Variants in MAT2A observed in about 807,000 individuals in gnomAD.
MAT2A encodes the protein S-adenosylmethionine synthase isoform type-2.
MAT2A carries 3 observed loss-of-function variants against 43.9 expected under a neutral mutation model. The observed-to-expected ratio is 0.07, with a 90% CI of 0.03 to 0.18. The LOEUF (loss-of-function observed/expected upper bound fraction) is 0.18, where lower values mean the gene tolerates loss of function less well. Ranked by LOEUF, MAT2A falls within the 10% of genes least tolerant of loss-of-function variation. The pLI, the probability that MAT2A is intolerant of heterozygous loss-of-function variation, is 1.00. For synonymous variants in MAT2A, 200 were observed against 168.4 expected, an observed-to-expected ratio of 1.19 and a Z score of -1.45; for missense variants, 204 against 489.0, an observed-to-expected ratio of 0.42 and a Z score of 5.50.
Position 85,539,170 on chromosome 2 carries a change from T to C in MAT2A, c.-118T>C. ...CGGGCCGCACCGCCCGCTGCTTCGT[T>C]CGCTCCGCGCCGCCCGCCTGCTACG... is the stretch of plus-strand genomic sequence containing the variant. On this transcript the variant is annotated 5_prime_UTR_variant, in exon 1 of 9. Transcript: ENST00000306434. 1.4e-6 allele frequency: 1 copy of C among 739,644 alleles called. No homozygotes were observed. The highest frequency in any genetic ancestry group is 2.2e-6 in the Non-Finnish European group (1 of 449,986). The allele number at this position is 739,644 out of a possible 1,614,324, so 45.8% of individuals were successfully genotyped here.
chr2:85,541,806 A>G (rs1043352423), intron 4 of MAT2A, 23 bp from the exon 5 acceptor site: 4 of 1,613,752 alleles, frequency 2.5e-6, no homozygotes, highest in Admixed American at 3.3e-5. Context: ...GCTTGATCAC[A>G]TTGGTGACTT....
At chr2:85,540,831 G>A (rs926725301) in intron 1 of MAT2A, among the ~76,000 whole-genome samples, 2 of 152,198 alleles carry the variant, frequency 1.3e-5, no homozygotes, top group South Asian at 2.1e-4. Flanking sequence ...TTGTGGAAGT[G>A]AATATGATAT....
chr2:85,542,251 G>C lies in MAT2A; in HGVS notation c.646G>C (p.Asp216His), dbSNP rs1487691093. 1.2e-6 allele frequency: 2 copies of C among 1,614,112 alleles called. No homozygotes were observed. The highest frequency in any genetic ancestry group is 1.3e-5 in the African/African-American group (1 of 75,026). The change falls in exon 6 of 9, where the codon GAT (aspartate) becomes CAT (histidine). Residue 216 changes from aspartate (D) to histidine (H), a missense_variant. Asp to His is a moderately conservative substitution (Grantham distance 81, BLOSUM62 -1). Around this residue, in one of 6 missense-constraint regions of MAT2A, gnomAD observed 103 missense variants for 226.4 expected, o/e 0.45. Transcript: ENST00000306434. ...SVQHDEEVCL[D>H]EMRDALKEKV... The stretch of plus-strand genomic sequence containing the variant: ...TCAGCATGATGAAGAGGTTTGTCTT[G>C]ATGAAATGAGGGATGCCCTAAAGGA...
At position 85,539,411 on chromosome 2, in the gene MAT2A, G is replaced by A. The variant is rs748618831; in HGVS notation, c.91+33G>A. On this transcript the variant is annotated intron_variant, in intron 1 of 8. Coordinates refer to ENST00000306434, the MANE Select transcript of MAT2A (RefSeq NM_005911.6). ...GACGGCCTGAAGCGAAGCGTGGGGC[G>A]GGGCAGAAGGCAGCGCCAAGGTCCG... is the stretch of plus-strand genomic sequence containing the variant. The A allele has an allele frequency of 5.8e-6, 9 of 1,548,886 alleles. No individual in the cohort carries two copies. In the South Asian group the frequency reaches 1.0e-4, roughly 18 times the overall value.
chr2:85,542,968 A>G lies in MAT2A; in HGVS notation c.1019A>G (p.Lys340Arg), dbSNP rs1691516597. 2 of 1,612,652 alleles carry G rather than the reference A, an allele frequency of 1.2e-6. No individual in the cohort carries two copies. The highest frequency in any genetic ancestry group is 1.7e-6 in the Non-Finnish European group (2 of 1,178,922). ...ISIFHYGTSQ[K>R]SERELLEIVK... ...ATTTTCCATTATGGTACCTCTCAGA[A>G]GAGTGAGAGAGAGCTATTAGAGATT... The change falls in exon 8 of 9, where the codon AAG becomes AGG. Residue 340 changes from lysine to arginine, a missense_variant. This residue lies in a region of MAT2A where 45 missense variants were observed against 106.8 expected (regional missense o/e 0.42). Transcript: ENST00000306434.
Position 85,544,085 on chromosome 2 carries a change from G to A in MAT2A, c.*313G>A, listed in dbSNP as rs562646394. On this transcript the variant is annotated 3_prime_UTR_variant, in exon 9 of 9. Transcript: ENST00000306434. Reference sequence around the variant, plus strand: ...GAACCTTTGTGCCCTATCACCCAACGCTCCAAAGTCATAATTGCATTGACT... The same window carrying A: ...GAACCTTTGTGCCCTATCACCCAACACTCCAAAGTCATAATTGCATTGACT... 14 of 194,806 alleles carry A rather than the reference G, an allele frequency of 7.2e-5. No individual in the cohort carries two copies. The highest frequency in any genetic ancestry group is 1.4e-4 in the Non-Finnish European group (13 of 94,822). The allele number at this position is 194,806 out of a possible 1,614,324, so 12.1% of individuals were successfully genotyped here. A position where few individuals can be genotyped will look rare whatever the true frequency, so the allele number is the denominator to read the frequency against.
In MAT2A at chr2:85,541,928, C is replaced by T; in HGVS notation, c.505C>T (p.Arg169Cys). 6.2e-7 allele frequency: 1 copy of T among 1,614,204 alleles called. No individual in the cohort carries two copies. Among genetic ancestry groups the T allele is most frequent in the Non-Finnish European group, 8.5e-7 (1 of 1,180,024 alleles). ...KLNAKLAELR[R>C]NGTLPWLRPD... The stretch of plus-strand genomic sequence containing the variant: ...AAATGCCAAACTGGCAGAACTACGC[C>T]GTAATGGCACTTTGCCTTGGTTACG... Residue 169 changes from arginine to cysteine, a missense_variant, in exon 5 of 9, where the codon CGT becomes TGT. Coordinates refer to ENST00000306434, the MANE Select transcript of MAT2A (RefSeq NM_005911.6).
chr2:85,541,034 T>A (rs1316095350), intron 1 of MAT2A, 49 bp from the exon 2 acceptor site: 1 of 1,331,696 alleles, frequency 7.5e-7, no homozygotes, highest in Admixed American at 1.8e-5. Context: ...CATACATACA[T>A]ACTTTGTTTA....
chr2:85,539,596 C>T (rs989337778), intron 1 of MAT2A: 8 of 435,140 alleles, frequency 1.8e-5, no homozygotes, highest in Admixed American at 4.6e-5. Flanking sequence ...CCCTTCCCCC[C>T]TCCCTTTTCA....
In MAT2A at chr2:85,542,389, T is replaced by G; in HGVS notation, c.768+16T>G. Reference sequence around the variant, plus strand: ...TGGGCCTCAGGTAATGTCATTTTGTTGCATTTTTCTGGATTTTTGATGGTT... The same window carrying G: ...TGGGCCTCAGGTAATGTCATTTTGTGGCATTTTTCTGGATTTTTGATGGTT... On this transcript the variant is annotated intron_variant, in intron 6 of 8. Coordinates refer to ENST00000306434, the MANE Select transcript of MAT2A (RefSeq NM_005911.6). 6.2e-7 allele frequency: 1 copy of G among 1,608,372 alleles called. No individual in the cohort carries two copies. The highest frequency in any genetic ancestry group is 2.2e-5 in the East Asian group (1 of 44,824).
At position 85,541,033 on chromosome 2, in the gene MAT2A, A is replaced by G. The variant is rs180812270; in HGVS notation, c.92-50A>G. The G allele has an allele frequency of 5.3e-6, 7 of 1,327,194 alleles. No homozygotes were observed. The East Asian group carries it at 9.2e-5, about 18-fold the overall frequency. The allele number at this position is 1,327,194 out of a possible 1,614,324, so 82.2% of individuals were successfully genotyped here. On this transcript the variant is annotated intron_variant, in intron 1 of 8. Coordinates refer to ENST00000306434, the MANE Select transcript of MAT2A (RefSeq NM_005911.6). ...GGAGGGAGCTTGCATACATACATAC[A>G]TACTTTGTTTAAAGTTAAAGAAACT...
chr2:85,539,452 C>G, intron 1 of MAT2A, 74 bp downstream of exon 1: 1 of 1,239,298 alleles, frequency 8.1e-7, no homozygotes, highest in East Asian at 3.0e-5. Flanking sequence ...CTGCGGCCGG[C>G]CGGTGGTGGG....
chr2:85,544,685 C>G lies in MAT2A; in HGVS notation c.*913C>G, dbSNP rs1248174300. 1.3e-5 allele frequency: 2 copies of G among 152,374 alleles called. No individual in the cohort carries two copies. The highest frequency in any genetic ancestry group is 1.3e-4 in the Admixed American group (2 of 15,252). The allele number at this position is 152,374 out of a possible 1,614,324, so 9.4% of individuals were successfully genotyped here. ...ACTTTTTTTTTTCTTTATAAGAAAG[C>G]CTGAGTACTCCACACTGCACAATAA... On this transcript the variant is annotated 3_prime_UTR_variant, in exon 9 of 9. Transcript: ENST00000306434.
At chr2:85,540,418 G>A (rs967793326) in intron 1 of MAT2A, among the ~76,000 whole-genome samples, 1 of 152,184 alleles carries the variant, frequency 6.6e-6, no homozygotes, top group Non-Finnish European at 1.5e-5. Flanking sequence ...AGTGCTGAAG[G>A]TTAGCTGTTA....
chr2:85,543,133 C>T, intron 8 of MAT2A, 99 bp downstream of exon 8: 1 of 1,260,368 alleles, frequency 7.9e-7, no homozygotes, highest in Non-Finnish European at 1.1e-6. Flanking sequence ...AGGAAGACTC[C>T]TCAAATGGGA....
rs1691590044 is a variant in MAT2A, at chr2:85,545,058, TTAACAGAAGGGAGGGCAGAGCTGGTGC to T, written c.*1287_*1313del. Reference sequence around the variant, plus strand: ...AGACCTACAGGGGGTCTGGCTGGTGTTAACAGAAGGGAGGGCAGAGCTGGTGCGGCTGGCCATGGAGAAAGCTGACTT... The same window carrying T: ...AGACCTACAGGGGGTCTGGCTGGTGTGGCTGGCCATGGAGAAAGCTGACTT... On this transcript the variant is annotated 3_prime_UTR_variant, in exon 9 of 9. Coordinates refer to ENST00000306434, the MANE Select transcript of MAT2A (RefSeq NM_005911.6). The T allele has an allele frequency of 6.6e-6, 1 of 152,434 alleles. No individual in the cohort carries two copies. The highest frequency in any genetic ancestry group is 1.5e-5 in the Non-Finnish European group (1 of 68,052). The allele number at this position is 152,434 out of a possible 1,614,324, so 9.4% of individuals were successfully genotyped here.
rs369434466 is a variant in MAT2A, at chr2:85,542,319, G to T, written c.714G>T (p.Glu238Asp). Residue 238 changes from glutamate (E) to aspartate (D), a missense_variant, in exon 6 of 9, where the codon GAG (glutamate) becomes GAT (aspartate). Glu to Asp is a conservative substitution (Grantham distance 45). This residue lies in a region of MAT2A where 103 missense variants were observed against 226.4 expected (regional missense o/e 0.45). Coordinates refer to ENST00000306434, the MANE Select transcript of MAT2A (RefSeq NM_005911.6). ...TTGTGCCTGCGAAATACCTTGATGAGGATACAATCTACCACCTACAGCCAA... is the reference window on the plus strand; with the variant it reads ...TTGTGCCTGCGAAATACCTTGATGATGATACAATCTACCACCTACAGCCAA... The part of the protein sequence containing the change: ...KAVVPAKYLD[E>D]DTIYHLQPSG... 6.2e-6 allele frequency: 10 copies of T among 1,614,176 alleles called. No homozygotes were observed. Among genetic ancestry groups the T allele is most frequent in the Non-Finnish European group, 3.4e-6 (4 of 1,180,028 alleles).
At position 85,539,192 on chromosome 2, in the gene MAT2A, T is replaced by C. The variant is rs1475960649; in HGVS notation, c.-96T>C. 6.8e-6 allele frequency: 6 copies of C among 884,338 alleles called. No homozygotes were observed. The highest frequency in any genetic ancestry group is 1.7e-5 in the African/African-American group (1 of 57,838). The allele number at this position is 884,338 out of a possible 1,614,324, so 54.8% of individuals were successfully genotyped here. Reference sequence around the variant, plus strand: ...CGTTCGCTCCGCGCCGCCCGCCTGCTACGAGTAGAACGCTGTCCGCAGCTT... The same window carrying C: ...CGTTCGCTCCGCGCCGCCCGCCTGCCACGAGTAGAACGCTGTCCGCAGCTT... On this transcript the variant is annotated 5_prime_UTR_variant, in exon 1 of 9. Transcript: ENST00000306434.
At position 85,539,385 on chromosome 2, in the gene MAT2A, G is replaced by C; in HGVS notation, c.91+7G>C. On this transcript the variant is annotated splice_region_variant and intron_variant, in intron 1 of 8. Transcript: ENST00000306434. ...GTCGGGGAAGGCCACCCAGGTGAGGGGACGGCCTGAAGCGAAGCGTGGGGC... is the reference window on the plus strand; with the variant it reads ...GTCGGGGAAGGCCACCCAGGTGAGGCGACGGCCTGAAGCGAAGCGTGGGGC... The C allele has an allele frequency of 6.3e-7, 1 of 1,597,786 alleles. No individual in the cohort carries two copies. Among genetic ancestry groups the C allele is most frequent in the Non-Finnish European group, 8.5e-7 (1 of 1,172,948 alleles).
Sources: gnomAD v4.1 joint callset for allele counts (sites outside exome capture counted in the v4.1 genomes callset) on GRCh38, gnomAD v4.1.1 for gene constraint, gnomAD v4.1.1 regional missense constraint, MANE v1.5 for transcripts, NCBI Gene and HGNC (gene_info 2026-07-23, HGNC 2026-07-21) for gene names.